Variants in NAV2 observed in about 807,000 individuals in gnomAD.
The protein encoded by NAV2 is helicase, APC down-regulated 1.
In NAV2, 54 loss-of-function variants were observed where a neutral mutation model predicts 223.2. That is an observed-to-expected ratio of 0.24 (90% CI 0.19 to 0.30). The LOEUF (loss-of-function observed/expected upper bound fraction) is 0.30. NAV2 is among the 10% of genes least tolerant of loss of function. The pLI is 1.00. For missense variants in NAV2, 2,806 were observed against 3,147.5 expected (o/e 0.89, Z 2.60); for synonymous variants, 1,279 against 1,239.3 (o/e 1.03, Z -0.67).
At chr11:19,444,429 C>T (rs544508441) in intron 1 of NAV2, among the ~76,000 whole-genome samples, 2 of 152,196 alleles carry the variant, frequency 1.3e-5, no homozygotes, top group South Asian at 4.2e-4. Flanking sequence ...GCAAATACAG[C>T]GTGGATAGAA....
intron 1 of NAV2, among the ~76,000 whole-genome samples, chr11:19,475,354 T>C (rs935865188): frequency 1.3e-5 from 2 of 152,206 alleles, no homozygotes; most frequent in Non-Finnish European, 2.9e-5. Context: ...AATCATGAAA[T>C]GCAAATACTG....
intron 10 of NAV2, among the ~76,000 whole-genome samples, chr11:19,965,702 C>T (rs569059424): frequency 1.3e-5 from 2 of 152,316 alleles, no homozygotes; most frequent in South Asian, 2.1e-4. Context: ...GCTGAGAAAA[C>T]TCTGTGTTTT....
intron 16 of NAV2, among the ~76,000 whole-genome samples, chr11:20,050,323 C>T (rs1422273747): frequency 6.6e-6 from 1 of 152,158 alleles, no homozygotes; most frequent in African/African-American, 2.4e-5. Flanking sequence ...CCCCATGCAG[C>T]TGCCTCTTCT....
At chr11:19,560,182 T>G (rs2045047032) in intron 1 of NAV2, among the ~76,000 whole-genome samples, 1 of 152,198 alleles carries the variant, frequency 6.6e-6, no homozygotes, top group Non-Finnish European at 1.5e-5. Flanking sequence ...TGGCCTCCTT[T>G]GGTGATTTCT....
intron 1 of NAV2, among the ~76,000 whole-genome samples, chr11:19,469,632 G>T (rs2041899719): frequency 2.0e-5 from 3 of 152,112 alleles, no homozygotes; most frequent in Admixed American, 2.0e-4. Flanking sequence ...CAGGATCCCG[G>T]CAGCCTTTTC....
At chr11:19,514,680 C>T (rs1388823635) in intron 1 of NAV2, among the ~76,000 whole-genome samples, 1 of 152,158 alleles carries the variant, frequency 6.6e-6, no homozygotes, top group African/African-American at 2.4e-5. Flanking sequence ...GGGTGGAAGG[C>T]CAGGCTCTGG....
intron 1 of NAV2, among the ~76,000 whole-genome samples, chr11:19,759,423 A>G (rs2054542473): frequency 6.6e-6 from 1 of 152,150 alleles, no homozygotes; most frequent in African/African-American, 2.4e-5. Flanking sequence ...TGTCTAACAC[A>G]CCCTAACTTT....
At chr11:20,068,485 A>G (rs903663542) in intron 22 of NAV2, 87 bp downstream of exon 22, 4 of 960,462 alleles carry the variant, frequency 4.2e-6, no homozygotes, top group African/African-American at 3.2e-5. Context: ...GTGCTGAACA[A>G]ATAGAAGTAG....
chr11:19,692,554 G>T (rs2152266191), intron 1 of NAV2, among the ~76,000 whole-genome samples: 1 of 152,318 alleles, frequency 6.6e-6, no homozygotes, highest in South Asian at 2.1e-4. Flanking sequence ...AGTCCTTGTT[G>T]TTGCAAATCC....
At chr11:19,598,662 A>C (rs1454342659) in intron 1 of NAV2, among the ~76,000 whole-genome samples, 6 of 152,142 alleles carry the variant, frequency 3.9e-5, no homozygotes, top group Admixed American at 3.9e-4. Flanking sequence ...AAGCACACAG[A>C]AAGATTAAGG....
chr11:19,774,364 A>G (rs964116901), intron 1 of NAV2, among the ~76,000 whole-genome samples: 1 of 152,184 alleles, frequency 6.6e-6, no homozygotes, highest in Non-Finnish European at 1.5e-5. Flanking sequence ...TTATGTAGAG[A>G]CAAGGTCTCA....
chr11:19,786,406 A>G (rs982062577), intron 1 of NAV2, among the ~76,000 whole-genome samples: 1 of 152,232 alleles, frequency 6.6e-6, no homozygotes, highest in African/African-American at 2.4e-5. Context: ...CTCCTGGCAT[A>G]CACTAAGTGT....
At chr11:19,602,691 C>T (rs1250750442) in intron 1 of NAV2, among the ~76,000 whole-genome samples, 3 of 152,124 alleles carry the variant, frequency 2.0e-5, no homozygotes, top group Non-Finnish European at 2.9e-5. Context: ...TGGCTCCAGG[C>T]GTCTCGTGGC....
At chr11:19,946,072 G>A (rs2046912225) in intron 8 of NAV2, among the ~76,000 whole-genome samples, 1 of 152,190 alleles carries the variant, frequency 6.6e-6, no homozygotes, top group African/African-American at 2.4e-5. Context: ...ATGACTACCT[G>A]GTTGGACCTA....
At chr11:19,610,026 A>C (rs2046593064) in intron 1 of NAV2, among the ~76,000 whole-genome samples, 1 of 152,226 alleles carries the variant, frequency 6.6e-6, no homozygotes, top group South Asian at 2.1e-4. Flanking sequence ...GGGGCTCTCC[A>C]TCAGATGCCC....
rs749112404 is a variant in NAV2, at chr11:20,062,389, G to T, written c.4884+30G>T. 3.8e-6 allele frequency: 6 copies of T among 1,564,848 alleles called. No homozygotes were observed. The South Asian group carries it at 5.8e-5, about 15-fold the overall frequency. On this transcript the variant is annotated intron_variant, in intron 20 of 37. Coordinates refer to ENST00000349880, the MANE Select transcript of NAV2 (RefSeq NM_145117.5). ...GTATAAATCAATGCTGTGTGGCTGTGATCATGAGAACTGGGGTTCCTTTAT... is the reference window on the plus strand; with the variant it reads ...GTATAAATCAATGCTGTGTGGCTGTTATCATGAGAACTGGGGTTCCTTTAT...
chr11:19,949,962 A>G (rs1591384159), intron 10 of NAV2, among the ~76,000 whole-genome samples: 1 of 152,108 alleles, frequency 6.6e-6, no homozygotes, highest in African/African-American at 2.4e-5. Context: ...TGTCTAAGGA[A>G]CCTTTCAGGT....
At chr11:19,538,234 C>A (rs901549376) in intron 1 of NAV2, among the ~76,000 whole-genome samples, 2 of 152,202 alleles carry the variant, frequency 1.3e-5, no homozygotes, top group African/African-American at 2.4e-5. Context: ...TCTAGAGTGG[C>A]CTGGCCCAGG....
At chr11:19,756,778 G>A (rs1305286531) in intron 1 of NAV2, among the ~76,000 whole-genome samples, 2 of 152,206 alleles carry the variant, frequency 1.3e-5, no homozygotes, top group South Asian at 2.1e-4. Context: ...TAAAAAGGCT[G>A]ATCAGGGCGC....
Sources: allele counts gnomAD v4.1 joint callset (sites outside exome capture counted in the v4.1 genomes callset), GRCh38; gene constraint gnomAD v4.1.1; transcripts MANE v1.5; gene names NCBI Gene and HGNC (gene_info 2026-07-23, HGNC 2026-07-21).